Variants in ELOVL7 observed in about 807,000 individuals in gnomAD.
ELOVL7 encodes very long chain fatty acid elongase 7.
ELOVL7 carries 27 observed loss-of-function variants against 35.7 expected under a neutral mutation model. The ratio of observed to expected loss-of-function variants is 0.76; its 90% CI spans 0.56 to 1.04. The LOEUF is 1.04. Among genes scored for constraint, ELOVL7 ranks in the 50% least tolerant of loss-of-function variants. The pLI, the probability that ELOVL7 is intolerant of heterozygous loss-of-function variation, is 0.00. For synonymous variants in ELOVL7, 113 were observed against 114.6 expected (o/e 0.99, Z 0.09); for missense variants, 327 against 340.8 (o/e 0.96, Z 0.32).
At chr5:60,822,241 G>C (rs755958681) in intron 1 of ELOVL7, among the ~76,000 whole-genome samples, 2 of 152,226 alleles carry the variant, frequency 1.3e-5, no homozygotes, top group Non-Finnish European at 2.9e-5. Context: ...ATGAGGAAGA[G>C]TGTGAAAGAC....
intron 1 of ELOVL7, among the ~76,000 whole-genome samples, chr5:60,808,406 T>C (rs1212557892): frequency 6.6e-6 from 1 of 152,176 alleles, no homozygotes; most frequent in Non-Finnish European, 1.5e-5. Context: ...CTGGTTAAAT[T>C]GATGAACTCA....
At chr5:60,780,312 G>A (rs1399277447) in intron 3 of ELOVL7, among the ~76,000 whole-genome samples, 2 of 151,878 alleles carry the variant, frequency 1.3e-5, no homozygotes, top group Admixed American at 6.6e-5. Context: ...TAGAGATGGG[G>A]TTTCTCTATG....
Position 60,757,530 on chromosome 5 carries a change from T to A in ELOVL7, c.615A>T (p.Lys205Asn). 3 of 1,613,236 alleles carry A rather than the reference T, an allele frequency of 1.9e-6. No homozygotes were observed. In the East Asian group the frequency reaches 6.7e-5, roughly 36 times the overall value. Residue 205 changes from lysine (K) to asparagine (N), a missense_variant, in exon 8 of 9, where the codon AAA becomes AAT. Lys to Asn is a moderately conservative substitution (Grantham distance 94). Transcript: ENST00000508821. Reference protein sequence around the residue: ...PAYQKYLWWKKYLTSLQLVQF... With the variant: ...PAYQKYLWWKNYLTSLQLVQF... ...TCACAAGCTGTAATGATGTCAAATA[T>A]TTTTTCCACCACAAATACTTCTGGT...
intron 3 of ELOVL7, among the ~76,000 whole-genome samples, chr5:60,782,907 A>C (rs994372321): frequency 7.2e-5 from 11 of 152,236 alleles, no homozygotes; most frequent in African/African-American, 2.4e-4. Flanking sequence ...AATACTGTAT[A>C]TTTCAAAATT....
chr5:60,763,078 T>A (rs981890561), intron 7 of ELOVL7, among the ~76,000 whole-genome samples: 3 of 152,226 alleles, frequency 2.0e-5, no homozygotes, highest in Admixed American at 2.0e-4. Flanking sequence ...CTATCTTGTT[T>A]TAATGTAAAT....
chr5:60,793,193 T>C (rs1284860876), intron 2 of ELOVL7, among the ~76,000 whole-genome samples: 1 of 152,170 alleles, frequency 6.6e-6, no homozygotes, highest in Non-Finnish European at 1.5e-5. Context: ...ATGCAGTAGT[T>C]AAAGAGGTTG....
At chr5:60,777,562 A>C (rs1742982449) in intron 3 of ELOVL7, among the ~76,000 whole-genome samples, 1 of 152,132 alleles carries the variant, frequency 6.6e-6, no homozygotes, top group Non-Finnish European at 1.5e-5. Context: ...ATATGGATCT[A>C]GAATTAGGAG....
At chr5:60,842,340 T>A (rs990015757) in intron 1 of ELOVL7, among the ~76,000 whole-genome samples, 3 of 151,702 alleles carry the variant, frequency 2.0e-5, no homozygotes, top group South Asian at 2.1e-4. Flanking sequence ...TCTGGAGCTG[T>A]TTTGGGGAAA....
At chr5:60,827,740 C>T (rs1376013567) in intron 1 of ELOVL7, among the ~76,000 whole-genome samples, 1 of 152,134 alleles carries the variant, frequency 6.6e-6, no homozygotes, top group Non-Finnish European at 1.5e-5. Context: ...ACTTAACCTG[C>T]AATGATTAAT....
intron 1 of ELOVL7, among the ~76,000 whole-genome samples, chr5:60,803,566 C>T (rs1244481646): frequency 6.6e-6 from 1 of 152,160 alleles, no homozygotes; most frequent in Admixed American, 6.5e-5. Context: ...TACATACCTG[C>T]TATTTAGAAG....
intron 4 of ELOVL7, among the ~76,000 whole-genome samples, chr5:60,769,438 T>C (rs1314937330): frequency 1.3e-5 from 2 of 152,214 alleles, no homozygotes; most frequent in African/African-American, 4.8e-5. Flanking sequence ...TGGTCTCTGC[T>C]AGTGTCTGAC....
chr5:60,832,383 T>C (rs1746529916), intron 1 of ELOVL7, among the ~76,000 whole-genome samples: 2 of 152,134 alleles, frequency 1.3e-5, no homozygotes, highest in South Asian at 4.1e-4. Context: ...TTTTTTTTTT[T>C]GAGACGGAGT....
At chr5:60,780,340 G>A (rs921427184) in intron 3 of ELOVL7, among the ~76,000 whole-genome samples, 3 of 151,914 alleles carry the variant, frequency 2.0e-5, no homozygotes, top group African/African-American at 4.8e-5. Context: ...GGCTGGTTGC[G>A]AACTCCCGAC....
chr5:60,758,023 TTGA>T, intron 7 of ELOVL7, among the ~76,000 whole-genome samples: 1 of 152,266 alleles, frequency 6.6e-6, no homozygotes, highest in South Asian at 2.1e-4. Flanking sequence ...TAATCTTAAC[TTGA>T]TGATTTTTCA....
At chr5:60,838,835 C>A (rs1447315795) in intron 1 of ELOVL7, among the ~76,000 whole-genome samples, 1 of 150,646 alleles carries the variant, frequency 6.6e-6, no homozygotes, top group Non-Finnish European at 1.5e-5. Context: ...AGCAGCCTGG[C>A]CAACATAGTG....
At chr5:60,806,282 T>C (rs1744920040) in intron 1 of ELOVL7, among the ~76,000 whole-genome samples, 1 of 152,232 alleles carries the variant, frequency 6.6e-6, no homozygotes, top group Non-Finnish European at 1.5e-5. Flanking sequence ...ACCTAGTTTA[T>C]GGCACTTTAT....
intron 1 of ELOVL7, among the ~76,000 whole-genome samples, chr5:60,833,575 A>C (rs1380914916): frequency 6.6e-6 from 1 of 152,212 alleles, no homozygotes; most frequent in Non-Finnish European, 1.5e-5. Context: ...CACTAAAAAA[A>C]GAAAAAAAAA....
intron 1 of ELOVL7, among the ~76,000 whole-genome samples, chr5:60,829,513 CTA>C (rs1561472815): frequency 6.6e-6 from 1 of 152,170 alleles, no homozygotes. Context: ...ATAAATCCCT[CTA>C]TCTTTTATAT....
At chr5:60,795,956 G>A (rs930092360) in intron 2 of ELOVL7, among the ~76,000 whole-genome samples, 6 of 152,160 alleles carry the variant, frequency 3.9e-5, no homozygotes, top group East Asian at 3.9e-4. Context: ...GGAGCAGCCC[G>A]CCACCATCTT....
Sources: gnomAD v4.1 joint callset for allele counts (sites outside exome capture counted in the v4.1 genomes callset) on GRCh38, gnomAD v4.1.1 for gene constraint, MANE v1.5 for transcripts, NCBI Gene and HGNC (gene_info 2026-07-23, HGNC 2026-07-21) for gene names.